ITFG2: variants seen among roughly 807,000 people sequenced by gnomAD.
ITFG2 encodes the protein integrin alpha FG-GAP repeat containing 2.
A neutral mutation model predicts 54.4 loss-of-function variants in ITFG2; 36 were observed. The ratio of observed to expected loss-of-function variants is 0.66; its 90% confidence interval spans 0.51 to 0.87. The LOEUF is 0.87. Ranked by LOEUF, ITFG2 falls within the 40% of genes least tolerant of loss-of-function variation. ITFG2 has a pLI of 0.00. For missense variants in ITFG2, 524 were observed against 576.7 expected, an observed-to-expected ratio of 0.91 and a Z score of 0.94; for synonymous variants, 211 against 225.4, an observed-to-expected ratio of 0.94 and a Z score of 0.57.
intron 5 of ITFG2, 63 bp downstream of exon 5, chr12:2,820,288 G>T: frequency 1.3e-6 from 2 of 1,493,364 alleles, no homozygotes; most frequent in South Asian, 1.4e-5. Context: ...CCTGGAGGAG[G>T]TAGTGGGAGA....
intron 2 of ITFG2, among the ~76,000 whole-genome samples, chr12:2,843,634 G>A (rs2098046571): frequency 6.6e-6 from 1 of 152,098 alleles, no homozygotes; most frequent in Admixed American, 6.6e-5. Flanking sequence ...CCAACATAGG[G>A]AAACCCAGTC....
At chr12:2,847,835 C>A (rs1037192948) in intron 2 of ITFG2, among the ~76,000 whole-genome samples, 7 of 152,166 alleles carry the variant, frequency 4.6e-5, no homozygotes, top group Admixed American at 3.9e-4. Context: ...TGGCTTCTTT[C>A]ACTCAGCATG....
chr12:2,848,877 G>GCGCACACA lies in ITFG2; in HGVS notation n.300+7883_300+7884insGCACACAC, dbSNP rs1555092608. On this transcript the variant is annotated intron_variant and non_coding_transcript_variant, in intron 2 of 3. Coordinates refer to the ITFG2 transcript ENST00000537710. ...CCCCCACCCCAACAGACACACACACGCACACACACACACACACACACACAC... is the reference window on the plus strand; with the variant it reads ...CCCCCACCCCAACAGACACACACACGCGCACACACACACACACACACACACACACACAC... Among the ~76,000 whole-genome samples, 541 of 140,362 alleles carry GCGCACACA rather than the reference G, an allele frequency of 3.9e-3. 4 individuals carry two copies. The highest frequency in any genetic ancestry group is 0.014 in the African/African-American group (515 of 37,174). 92.1% of individuals were successfully genotyped at this position (140,362 alleles called of 152,430 possible).
intron 9 of ITFG2, among the ~76,000 whole-genome samples, 189 bp from the exon 10 acceptor site, chr12:2,822,605 G>C (rs183528049): frequency 6.0e-4 from 91 of 152,210 alleles, no homozygotes; most frequent in African/African-American, 2.0e-3. Context: ...CTATTTCTAT[G>C]AGCTGAGGTT....
chr12:2,848,408 CT>C (rs1398200483), intron 2 of ITFG2, among the ~76,000 whole-genome samples: 1 of 152,220 alleles, frequency 6.6e-6, no homozygotes, highest in Non-Finnish European at 1.5e-5. Context: ...TACTTTACCC[CT>C]GGTCTTTGAC....
chr12:2,818,111 G>A lies in ITFG2; in HGVS notation c.240G>A (p.Leu80=), dbSNP rs1350957905. 1.2e-6 allele frequency: 2 copies of A among 1,614,026 alleles called. No homozygotes were observed. Among genetic ancestry groups the A allele is most frequent in the Admixed American group, 3.3e-5 (2 of 60,016 alleles). ...VGDVCNKGKN[L]LVAVSAEGWF... ...TATACCTCTGTTTGTCCTAGAACCT[G>A]TTGGTGGCAGTGAGTGCTGAAGGCT... The change falls in exon 4 of 12, where the codon CTG becomes CTA. Residue 80 remains leucine (L), a synonymous_variant. Transcript: ENST00000228799.
downstream of ITFG2, among the ~76,000 whole-genome samples, chr12:2,828,942 C>G (rs563998606): frequency 8.7e-4 from 133 of 152,092 alleles, no homozygotes; most frequent in Non-Finnish European, 1.5e-3. Flanking sequence ...TGCGGTGGCT[C>G]ATGCTTGTAG....
Position 2,820,873 on chromosome 12 carries a change from GT to G in ITFG2, c.695+2del. On this transcript the variant is annotated splice_donor_variant, in intron 6 of 11. Transcript: ENST00000228799. LOFTEE classifies it high-confidence loss of function. ...CTGAAGGGCCCACGGATGGTAGTAG[GT>G]AAGGGGGTACAGGCCAGTGGATGGT... The G allele has an allele frequency of 8.1e-6, 13 of 1,613,956 alleles. No homozygotes were observed. Among genetic ancestry groups the G allele is most frequent in the Non-Finnish European group, 9.3e-6 (11 of 1,179,894 alleles).
chr12:2,859,029 C>T, intron 3 of ITFG2: 1 of 1,610,640 alleles, frequency 6.2e-7, no homozygotes, highest in Non-Finnish European at 8.5e-7. Context: ...GAAATCCAGT[C>T]CCCCTACTTT....
chr12:2,849,659 T>C (rs2098063938), intron 2 of ITFG2: 1 of 983,670 alleles, frequency 1.0e-6, no homozygotes, highest in Non-Finnish European at 1.5e-6. Context: ...GAATCCCTTC[T>C]GTCTCTCCAC....
intron 2 of ITFG2, among the ~76,000 whole-genome samples, chr12:2,856,413 G>A (rs916086324): frequency 1.3e-5 from 2 of 152,190 alleles, no homozygotes; most frequent in Non-Finnish European, 2.9e-5. Context: ...TACCCAGGCT[G>A]GAGGTGCAAT....
At chr12:2,842,477 C>T (rs2098043766) in intron 2 of ITFG2, among the ~76,000 whole-genome samples, 8 of 151,374 alleles carry the variant, frequency 5.3e-5, no homozygotes, top group Admixed American at 5.3e-4. Context: ...TGTGGTGGCT[C>T]AAGCCTGTAA....
rs528003717 is a variant in ITFG2 at position 2,814,879 on chromosome 12, T to G, written c.96+2023T>G. Among the ~76,000 whole-genome samples the G allele has an allele frequency of 3.0e-4, 45 of 152,012 alleles. No homozygotes were observed. The South Asian group carries it at 8.9e-3, about 30-fold the overall frequency. On this transcript the variant is annotated intron_variant, in intron 1 of 11. Transcript: ENST00000228799. ...AAGAAAAGAAATAAGAAACGTCAAG[T>G]AATAGGTTTGATTTAAAAAAAACCA...
chr12:2,835,157 G>T, upstream of ITFG2: 3 of 1,382,702 alleles, frequency 2.2e-6, no homozygotes, highest in South Asian at 1.5e-5. Context: ...TGGATGGGGC[G>T]TATGTGTGTG....
chr12:2,842,116 G>GTTT (rs1349594793), intron 2 of ITFG2, among the ~76,000 whole-genome samples: 1 of 82,990 alleles, frequency 1.2e-5, no homozygotes, highest in South Asian at 4.3e-4. Context: ...AATTTCACTT[G>GTTT]TTTCTTTTTT....
Position 2,823,923 on chromosome 12 carries a change from T to A in ITFG2, c.1220T>A (p.Leu407Gln). 6.2e-7 allele frequency: 1 copy of A among 1,613,236 alleles called. No homozygotes were observed. Among genetic ancestry groups the A allele is most frequent in the Non-Finnish European group, 8.5e-7 (1 of 1,179,616 alleles). ...LLETKPEYHSLLQELGVDPDD... is the reference protein window; with the variant it reads ...LLETKPEYHSQLQELGVDPDD... ...GAGACCAAGCCGGAGTACCACAGCC[T>A]GCTGCAGGAGCTGGGCGTGGGTGAG... Residue 407 changes from leucine (L) to glutamine (Q), a missense_variant, in exon 11 of 12, where the codon CTG (leucine) becomes CAG (glutamine). Coordinates refer to ENST00000228799, the MANE Select transcript of ITFG2 (RefSeq NM_018463.4).
downstream of ITFG2, chr12:2,826,883 C>T (rs3814250): frequency 0.14 from 111,561 of 796,632 alleles, 9,243 homozygotes; most frequent in South Asian, 0.34. Flanking sequence ...GCAGAGCCTT[C>T]GACCCAGCCC....
At position 2,824,719 on chromosome 12, in the gene ITFG2, A is replaced by G. The variant is rs2097958500; in HGVS notation, c.*526A>G. 1 of 157,116 alleles carries G rather than the reference A, an allele frequency of 6.4e-6. No homozygotes were observed. Among genetic ancestry groups the G allele is most frequent in the South Asian group, 1.9e-4 (1 of 5,304 alleles). 9.7% of individuals were successfully genotyped at this position (157,116 alleles called of 1,614,324 possible). Reference sequence around the variant, plus strand: ...GTCTGGTCTTACCCATGTTCCTAGCAACCCTGAGATGATTTTCTTCCATTT... The same window carrying G: ...GTCTGGTCTTACCCATGTTCCTAGCGACCCTGAGATGATTTTCTTCCATTT... On this transcript the variant is annotated 3_prime_UTR_variant, in exon 12 of 12. Coordinates refer to ENST00000228799, the MANE Select transcript of ITFG2 (RefSeq NM_018463.4).
chr12:2,827,109 C>T (rs1181343758), downstream of ITFG2: 5 of 1,576,742 alleles, frequency 3.2e-6, no homozygotes, highest in Admixed American at 1.9e-5. This position sits in a 1 kb window ranked among gnomAD's most constrained non-coding sequence, Gnocchi z 4.0. Context: ...GGGCAGACAC[C>T]ATAGTCCCCA....
Sources: allele counts gnomAD v4.1 joint callset (sites outside exome capture counted in the v4.1 genomes callset), GRCh38; gene constraint gnomAD v4.1.1; non-coding constraint Gnocchi (gnomAD v3.1); transcripts MANE v1.5; gene names NCBI Gene and HGNC (gene_info 2026-07-23, HGNC 2026-07-21).